FCGR2B: variants seen among roughly 807,000 people sequenced by gnomAD.
The protein encoded by FCGR2B is Fc gamma receptor IIb.
A neutral mutation model predicts 24.8 loss-of-function variants in FCGR2B; 18 were observed. The observed-to-expected ratio is 0.73, with a 90% CI of 0.50 to 1.08. The LOEUF is 1.08. Among genes scored for constraint, FCGR2B ranks in the 50% least tolerant of loss-of-function variants. FCGR2B has a pLI of 0.00. For missense variants in FCGR2B, 215 were observed against 297.6 expected, an observed-to-expected ratio of 0.72 and a Z score of 2.04; for synonymous variants, 79 against 109.8, an observed-to-expected ratio of 0.72 and a Z score of 1.75.
Position 161,673,016 on chromosome 1 carries a change from G to T in FCGR2B, c.433G>T (p.Gly145Ter). The change falls in exon 4 of 8, where the codon GGA becomes TGA. Residue 145 changes from glycine (G) to a stop codon, truncating the protein, a stop_gained. Transcript: ENST00000358671. LOFTEE classifies it high-confidence loss of function. ...GACCCCTCACCTGGAGTTCCAGGAG[G>T]GAGAAACCATCGTGCTGAGGTGCCA... ...LQTPHLEFQE[G>*]ETIVLRCHSW... 6.2e-7 allele frequency: 1 copy of T among 1,613,086 alleles called. No homozygotes were observed. The highest frequency in any genetic ancestry group is 8.5e-7 in the Non-Finnish European group (1 of 1,179,554).
chr1:161,675,404 G>A, intron 6 of FCGR2B, 91 bp downstream of exon 6: 2 of 919,704 alleles, frequency 2.2e-6, no homozygotes, highest in Non-Finnish European at 3.2e-6. Context: ...TGCAAGTTCA[G>A]CTGGGAGCCA....
chr1:161,654,596 T>A, the FCGR2B span, among the ~76,000 whole-genome samples: 28 of 133,194 alleles, frequency 2.1e-4, 5 homozygotes, highest in Admixed American at 3.9e-4. Context: ...TGAAGATGCT[T>A]CAAATGCGTA....
chr1:161,652,959 T>C, the FCGR2B span, among the ~76,000 whole-genome samples: 1 of 134,368 alleles, frequency 7.4e-6, no homozygotes, highest in East Asian at 2.0e-4. Flanking sequence ...ACCCCAACTT[T>C]AGGACTTTCT....
At chr1:161,676,875 A>G in intron 6 of FCGR2B, 1 of 181,900 alleles carries the variant, frequency 5.5e-6, no homozygotes. Flanking sequence ...GGAGTACCAT[A>G]TTTTTCAAAG....
Position 161,675,255 on chromosome 1 carries a change from A to G in FCGR2B, c.761-2A>G. ...TACTAACCTCCTGTGTGCCCCTCCC[A>G]GCTCTCCCAGGATACCCTGAGTGCA... On this transcript the variant is annotated splice_acceptor_variant, in intron 5 of 7. Coordinates refer to ENST00000358671, the MANE Select transcript of FCGR2B (RefSeq NM_001394477.1). LOFTEE classifies it high-confidence loss of function. 6.2e-7 allele frequency: 1 copy of G among 1,605,766 alleles called. No homozygotes were observed.
Position 161,663,302 on chromosome 1 carries a change from T to TC in FCGR2B, c.67dup (p.Gln23ProfsTer56). On this transcript the variant is annotated frameshift_variant, in exon 1 of 8. Transcript: ENST00000358671. LOFTEE classifies it high-confidence loss of function. ...TGAGAGTGACTGGGCTGACTGCAAG[T>TC]CCCCCCAGCCTTGGGGTCATATGCT... 5.2e-6 allele frequency: 1 copy of TC among 192,308 alleles called. No individual in the cohort carries two copies. The highest frequency in any genetic ancestry group is 2.6e-5 in the South Asian group (1 of 38,948). 11.9% of individuals were successfully genotyped at this position (192,308 alleles called of 1,614,324 possible). A position where few individuals can be genotyped will look rare whatever the true frequency, so the allele number is the denominator to read the frequency against.
At chr1:161,654,241 G>A in the FCGR2B span, among the ~76,000 whole-genome samples, 1 of 130,906 alleles carries the variant, frequency 7.6e-6, no homozygotes, top group Non-Finnish European at 1.8e-5. Context: ...CGGGCCTTCT[G>A]TCCCTGGATC....
At chr1:161,671,936 G>A in intron 3 of FCGR2B, 1 of 540,988 alleles carries the variant, frequency 1.8e-6, no homozygotes, top group South Asian at 2.3e-5. Context: ...GACCACAACT[G>A]AATCCTAGCC....
At chr1:161,674,749 T>A (rs1209342680) in intron 5 of FCGR2B, 1 of 157,240 alleles carries the variant, frequency 6.4e-6, no homozygotes, top group East Asian at 1.9e-4. Flanking sequence ...GGGCAGCGCT[T>A]AGCTAGGGAA....
chr1:161,672,863 T>C, intron 3 of FCGR2B, 112 bp from the exon 4 acceptor site: 1 of 1,483,298 alleles, frequency 6.7e-7, no homozygotes, highest in South Asian at 1.4e-5. Context: ...ACTGTCTGAT[T>C]TCAGACCTAA....
chr1:161,654,275 A>G, the FCGR2B span, among the ~76,000 whole-genome samples: 1 of 130,234 alleles, frequency 7.7e-6, no homozygotes, highest in East Asian at 2.0e-4. Flanking sequence ...TTTTTCAGTG[A>G]TCCTAGATCT....
chr1:161,653,270 G>A, the FCGR2B span, among the ~76,000 whole-genome samples: 1 of 132,632 alleles, frequency 7.5e-6, no homozygotes, highest in Non-Finnish European at 1.7e-5. Context: ...GGGCATGGTG[G>A]CAGGCACCTG....
chr1:161,676,073 C>T (rs1682102973), intron 6 of FCGR2B: 1 of 231,164 alleles, frequency 4.3e-6, no homozygotes, highest in African/African-American at 2.2e-5. Context: ...CCACCCAAGC[C>T]CTGGCCCAGG....
rs903587629 is a variant in FCGR2B, at chr1:161,678,080, G to T, written c.*527G>T. ...ACATTCTGTTTACCTTTTCAAGGCT[G>T]TATTGGTTGGAGTGTAGACTGAACT... On this transcript the variant is annotated 3_prime_UTR_variant, in exon 8 of 8. Coordinates refer to ENST00000358671, the MANE Select transcript of FCGR2B (RefSeq NM_001394477.1). 4.1e-5 allele frequency: 9 copies of T among 218,722 alleles called. No individual in the cohort carries two copies. The highest frequency in any genetic ancestry group is 2.9e-4 in the Admixed American group (5 of 17,284). The allele number at this position is 218,722 out of a possible 1,614,324, so 13.5% of individuals were successfully genotyped here.
chr1:161,652,045 AGTGTGTGTGT>A, the FCGR2B span, among the ~76,000 whole-genome samples: 267 of 104,640 alleles, frequency 2.6e-3, 33 homozygotes, highest in Middle Eastern at 0.018. Flanking sequence ...TATGTTTAGG[AGTGTGTGTGT>A]GTGTGTGTGT....
chr1:161,652,468 C>G, the FCGR2B span, among the ~76,000 whole-genome samples: 6 of 133,772 alleles, frequency 4.5e-5, no homozygotes, highest in African/African-American at 1.0e-4. Context: ...CATATAGTTT[C>G]TATCTTTCTG....
At position 161,678,220 on chromosome 1, in the gene FCGR2B, T is replaced by C. The variant is rs1682300129; in HGVS notation, c.*667T>C. 4.5e-6 allele frequency: 1 copy of C among 220,818 alleles called. No individual in the cohort carries two copies. Among genetic ancestry groups the C allele is most frequent in the Admixed American group, 5.8e-5 (1 of 17,270 alleles). The allele number at this position is 220,818 out of a possible 1,614,324, so 13.7% of individuals were successfully genotyped here. ...AATGTAGAGTGAGTGCCCCTTTTCT[T>C]AAAACTGAATACAGTCACGCACCAC... On this transcript the variant is annotated 3_prime_UTR_variant, in exon 8 of 8. Coordinates refer to ENST00000358671, the MANE Select transcript of FCGR2B (RefSeq NM_001394477.1).
Position 161,677,670 on chromosome 1 carries a change from G to C in FCGR2B, c.*117G>C. 2.5e-6 allele frequency: 2 copies of C among 799,668 alleles called. No individual in the cohort carries two copies. Among genetic ancestry groups the C allele is most frequent in the South Asian group, 3.4e-5 (2 of 58,794 alleles). The allele number at this position is 799,668 out of a possible 1,614,324, so 49.5% of individuals were successfully genotyped here. ...AGATGCTGCAGTTCCAAAAGAGAAG[G>C]TTTCTTCCAGAGTCATCTACCTGAG... On this transcript the variant is annotated 3_prime_UTR_variant, in exon 8 of 8. Transcript: ENST00000358671.
In FCGR2B at chr1:161,673,231, T is replaced by A; in HGVS notation, c.646+2T>A. 2 of 1,594,304 alleles carry A rather than the reference T, an allele frequency of 1.3e-6. No homozygotes were observed. Among genetic ancestry groups the A allele is most frequent in the Non-Finnish European group, 1.7e-6 (2 of 1,169,932 alleles). On this transcript the variant is annotated splice_donor_variant, in intron 4 of 7. Coordinates refer to ENST00000358671, the MANE Select transcript of FCGR2B (RefSeq NM_001394477.1). LOFTEE classifies it high-confidence loss of function. ...AGCCTGTGACCATCACTGTCCAAGGTATGCGGAGTCTGCCAAGATGTAAGG... is the reference window on the plus strand; with the variant it reads ...AGCCTGTGACCATCACTGTCCAAGGAATGCGGAGTCTGCCAAGATGTAAGG...
Sources: allele counts gnomAD v4.1 joint callset (sites outside exome capture counted in the v4.1 genomes callset), GRCh38; gene constraint gnomAD v4.1.1; transcripts MANE v1.5; gene names NCBI Gene and HGNC (gene_info 2026-07-23, HGNC 2026-07-21).